Variants in RAB31 observed in about 807,000 individuals in gnomAD.
RAB31 encodes RAB31, member RAS oncogene family, also known as ras-related protein Rab-31.
A neutral mutation model predicts 25.6 loss-of-function variants in RAB31; 21 were observed. The observed-to-expected ratio is 0.82, with a 90% CI of 0.58 to 1.18. The LOEUF is 1.18. RAB31 is among the 50% of genes most tolerant of loss of function. The pLI, the probability that RAB31 is intolerant of heterozygous loss-of-function variation, is 0.00. For synonymous variants in RAB31, 87 were observed against 84.0 expected, an observed-to-expected ratio of 1.04 and a Z score of -0.20; for missense variants, 196 against 250.1, an observed-to-expected ratio of 0.78 and a Z score of 1.46.
At chr18:9,845,735 T>C in intron 6 of RAB31, 44 bp downstream of exon 6, 1 of 1,510,716 alleles carries the variant, frequency 6.6e-7, no homozygotes, top group Non-Finnish European at 8.9e-7. Context: ...TGCATTTTTA[T>C]GCTTCTGGGA....
intron 3 of RAB31, among the ~76,000 whole-genome samples, chr18:9,796,725 G>A (rs2068488664): frequency 6.6e-6 from 1 of 151,848 alleles, no homozygotes; most frequent in African/African-American, 2.4e-5. Flanking sequence ...TGAGTAATTT[G>A]TAAGAATCTC....
At chr18:9,716,910 T>TTTC (rs71358244) in intron 1 of RAB31, among the ~76,000 whole-genome samples, 1 of 128,890 alleles carries the variant, frequency 7.8e-6, no homozygotes, top group Admixed American at 7.5e-5. Context: ...ACTTGGCTAA[T>TTTC]TTTCTTTCTT....
chr18:9,731,837 C>A (rs2068124476), intron 1 of RAB31, among the ~76,000 whole-genome samples: 1 of 152,082 alleles, frequency 6.6e-6, no homozygotes, highest in Non-Finnish European at 1.5e-5. Flanking sequence ...CTCAAGTGAT[C>A]TGCCTGCCTC....
chr18:9,855,324 T>C (rs559052712), intron 6 of RAB31, among the ~76,000 whole-genome samples: 2 of 152,316 alleles, frequency 1.3e-5, no homozygotes, highest in African/African-American at 4.8e-5. Context: ...ATAAACACTC[T>C]GGCCTCAAAT....
At chr18:9,781,598 C>T (rs1351620710) in intron 2 of RAB31, among the ~76,000 whole-genome samples, 1 of 152,348 alleles carries the variant, frequency 6.6e-6, no homozygotes, top group South Asian at 2.1e-4. Context: ...CGTGAGCCAC[C>T]GCGCCCAGCC....
chr18:9,852,290 T>C (rs2068793081), intron 6 of RAB31, among the ~76,000 whole-genome samples: 1 of 152,236 alleles, frequency 6.6e-6, no homozygotes, highest in African/African-American at 2.4e-5. Flanking sequence ...TATGTTATCA[T>C]ATTAATAACC....
chr18:9,815,312 C>A (rs2068596167), intron 5 of RAB31, 90 bp downstream of exon 5: 2 of 555,382 alleles, frequency 3.6e-6, no homozygotes, highest in Non-Finnish European at 2.9e-6. Context: ...CCCTGAGTGT[C>A]ATCCGTGTAG....
chr18:9,724,994 A>C (rs1175798526), intron 1 of RAB31, among the ~76,000 whole-genome samples: 2 of 152,170 alleles, frequency 1.3e-5, no homozygotes, highest in African/African-American at 4.8e-5. Context: ...CGGACCGGGC[A>C]GGCTGGGTCG....
intron 5 of RAB31, among the ~76,000 whole-genome samples, chr18:9,828,144 T>C (rs1000343836): frequency 2.6e-5 from 4 of 152,064 alleles, no homozygotes; most frequent in Non-Finnish European, 4.4e-5. Flanking sequence ...TGGCACGTGT[T>C]GGCAGGGAGG....
intron 1 of RAB31, among the ~76,000 whole-genome samples, chr18:9,711,432 G>T (rs1431041836): frequency 6.6e-6 from 1 of 152,172 alleles, no homozygotes; most frequent in Non-Finnish European, 1.5e-5. Context: ...GAGTGCAATG[G>T]TGCCATCCTG....
chr18:9,819,649 C>G (rs2068615693), intron 5 of RAB31, among the ~76,000 whole-genome samples: 1 of 152,004 alleles, frequency 6.6e-6, no homozygotes, highest in Non-Finnish European at 1.5e-5. Flanking sequence ...ATCTTTAGGC[C>G]CATTCAGGTA....
intron 5 of RAB31, among the ~76,000 whole-genome samples, chr18:9,819,505 C>T (rs1237442984): frequency 6.6e-6 from 1 of 152,114 alleles, no homozygotes; most frequent in Non-Finnish European, 1.5e-5. Flanking sequence ...AACTGTGAGT[C>T]CTTCAACGTT....
At chr18:9,729,342 A>T (rs899222667) in intron 1 of RAB31, among the ~76,000 whole-genome samples, 8 of 152,098 alleles carry the variant, frequency 5.3e-5, no homozygotes, top group Non-Finnish European at 1.2e-4. Context: ...CCTGTCTAAC[A>T]TGGTGAAACC....
intron 6 of RAB31, among the ~76,000 whole-genome samples, chr18:9,851,054 G>A (rs929229022): frequency 1.3e-5 from 2 of 152,118 alleles, no homozygotes. Flanking sequence ...GTTAGTAGCA[G>A]GTTAAAGTAA....
rs1329792930 is a variant in RAB31, at chr18:9,708,876, T to C, written c.39+432T>C. The stretch of plus-strand genomic sequence containing the variant: ...GGGCCCCGAGGGCTTTCTCCTCCGC[T>C]TTTGATAGTTTCCTTCCGGCAGAAA... On this transcript the variant is annotated intron_variant, in intron 1 of 6. Coordinates refer to ENST00000578921, the MANE Select transcript of RAB31 (RefSeq NM_006868.4). The surrounding 1 kb of genome is among the most constrained non-coding windows in gnomAD (Gnocchi z 6.4). Among the ~76,000 whole-genome samples, 7 of 152,214 alleles carry C rather than the reference T, an allele frequency of 4.6e-5. No individual in the cohort carries two copies. The highest frequency in any genetic ancestry group is 1.7e-4 in the African/African-American group (7 of 41,462).
intron 3 of RAB31, among the ~76,000 whole-genome samples, chr18:9,807,942 T>C (rs2299844): frequency 0.37 from 56,695 of 152,146 alleles, 11,059 homozygotes; most frequent in East Asian, 0.7. Context: ...GGCACCACTG[T>C]ACTCCATCCT....
intron 5 of RAB31, among the ~76,000 whole-genome samples, chr18:9,842,744 G>A (rs990933775): frequency 6.6e-6 from 1 of 152,230 alleles, no homozygotes; most frequent in Non-Finnish European, 1.5e-5. Flanking sequence ...ATGTGGTGCT[G>A]GTGGGTGCTT....
intron 5 of RAB31, among the ~76,000 whole-genome samples, chr18:9,822,602 G>T (rs969334412): frequency 6.6e-6 from 1 of 152,036 alleles, no homozygotes; most frequent in Non-Finnish European, 1.5e-5. Context: ...ACTATATAAA[G>T]AACTCACAAA....
chr18:9,804,567 C>T (rs2068530412), intron 3 of RAB31, among the ~76,000 whole-genome samples: 3 of 152,170 alleles, frequency 2.0e-5, no homozygotes, highest in Admixed American at 1.3e-4. Context: ...CCCTTCTGTC[C>T]TCTTCTTTTC....
Sources: gnomAD v4.1 joint callset for allele counts (sites outside exome capture counted in the v4.1 genomes callset) on GRCh38, gnomAD v4.1.1 for gene constraint, Gnocchi (gnomAD v3.1) non-coding constraint, MANE v1.5 for transcripts, NCBI Gene and HGNC (gene_info 2026-07-23, HGNC 2026-07-21) for gene names.